CES3: variants seen among roughly 807,000 people sequenced by gnomAD.
CES3 encodes the protein carboxylesterase 3 (brain).
In CES3, 49 loss-of-function variants were observed where a neutral mutation model predicts 57.6. That is an observed-to-expected ratio of 0.85 (90% CI 0.68 to 1.08). The LOEUF (loss-of-function observed/expected upper bound fraction) is 1.08. CES3 is among the 50% of genes least tolerant of loss of function. CES3 has a pLI of 0.00. For synonymous variants in CES3, 266 were observed against 281.6 expected, an observed-to-expected ratio of 0.94 and a Z score of 0.55; for missense variants, 645 against 742.0, an observed-to-expected ratio of 0.87 and a Z score of 1.52.
At position 66,964,416 on chromosome 16, in the gene CES3, G is replaced by T; in HGVS notation, c.620G>T (p.Arg207Leu). Residue 207 changes from arginine (R) to leucine (L), a missense_variant, in exon 5 of 13, where the codon CGC (arginine) becomes CTC (leucine). Transcript: ENST00000303334. ...QGFLDVVAAL[R>L]WVQENIAPFG... is the part of the protein sequence containing the mutation. ...TTCCTAGATGTGGTAGCTGCTTTGC[G>T]CTGGGTGCAAGAAAACATCGCCCCC... The T allele has an allele frequency of 6.2e-7, 1 of 1,614,130 alleles. No homozygotes were observed. Among genetic ancestry groups the T allele is most frequent in the East Asian group, 2.2e-5 (1 of 44,884 alleles).
chr16:66,967,716 C>CCAAAG, intron 8 of CES3: 1 of 983,678 alleles, frequency 1.0e-6, no homozygotes. Context: ...TGGCCCATTG[C>CCAAAG]ACACCCTAAG....
At position 66,963,002 on chromosome 16, in the gene CES3, A is replaced by G; in HGVS notation, c.83-177A>G. Reference sequence around the variant, plus strand: ...CTGGAGTGGAGTGGTAGTGACTCTCAGGCAGGCAGGGAGGAGGAAGTTGGG... The same window carrying G: ...CTGGAGTGGAGTGGTAGTGACTCTCGGGCAGGCAGGGAGGAGGAAGTTGGG... On this transcript the variant is annotated intron_variant, in intron 1 of 12. Coordinates refer to ENST00000303334, the MANE Select transcript of CES3 (RefSeq NM_024922.6). The surrounding 1 kb of genome is among the most constrained non-coding windows in gnomAD (Gnocchi z 4.9). 1 of 734,802 alleles carries G rather than the reference A, an allele frequency of 1.4e-6. No homozygotes were observed. Among genetic ancestry groups the G allele is most frequent in the Non-Finnish European group, 2.4e-6 (1 of 415,468 alleles). The allele number at this position is 734,802 out of a possible 1,614,324, so 45.5% of individuals were successfully genotyped here. A position where few individuals can be genotyped will look rare whatever the true frequency, so the allele number is the denominator to read the frequency against.
At position 66,963,445 on chromosome 16, in the gene CES3, C is replaced by T; in HGVS notation, c.288-46C>T. ...TTGCAGGAGAATCCTGCTGCTGGGG[C>T]TTGTGGGGCTGAACAGCTGGACCTC... On this transcript the variant is annotated intron_variant, in intron 2 of 12. Coordinates refer to ENST00000303334, the MANE Select transcript of CES3 (RefSeq NM_024922.6). This position sits in a 1 kb window ranked among gnomAD's most constrained non-coding sequence, Gnocchi z 4.9. 3 of 1,609,398 alleles carry T rather than the reference C, an allele frequency of 1.9e-6. No homozygotes were observed. Among genetic ancestry groups the T allele is most frequent in the Non-Finnish European group, 1.7e-6 (2 of 1,176,258 alleles).
chr16:66,963,432 C>A lies in CES3; in HGVS notation c.287+49C>A, dbSNP rs1963680712. On this transcript the variant is annotated intron_variant, in intron 2 of 12. Transcript: ENST00000303334. The surrounding 1 kb of genome is among the most constrained non-coding windows in gnomAD (Gnocchi z 4.9). ...GCAAACAGGCAGGTTGCAGGAGAAT[C>A]CTGCTGCTGGGGCTTGTGGGGCTGA... 6.2e-7 allele frequency: 1 copy of A among 1,610,632 alleles called. No individual in the cohort carries two copies. The highest frequency in any genetic ancestry group is 1.7e-5 in the Admixed American group (1 of 59,948).
chr16:66,969,692 T>A lies in CES3; in HGVS notation c.1076T>A (p.Leu359Gln), dbSNP rs768417155. The stretch of plus-strand genomic sequence containing the variant: ...GTGTCCACACAGGGCTGGGGTCTCC[T>A]GGATACAATGGAGCAGATGAGCCGG... ...SWLIPRGWGLLDTMEQMSRED... is the reference protein window; with the variant it reads ...SWLIPRGWGLQDTMEQMSRED... The change falls in exon 9 of 13, where the codon CTG becomes CAG. Residue 359 changes from leucine to glutamine, a missense_variant. Transcript: ENST00000303334. 1.3e-5 allele frequency: 21 copies of A among 1,613,090 alleles called. No individual in the cohort carries two copies. In the South Asian group the frequency reaches 2.0e-4, roughly 15 times the overall value.
chr16:66,964,303 A>G (rs1270842276), intron 4 of CES3, 54 bp from the exon 5 acceptor site: 1 of 1,593,276 alleles, frequency 6.3e-7, no homozygotes, highest in Admixed American at 1.7e-5. Context: ...GCAAACCTGC[A>G]GAGGCTGGCG....
rs1191089086 is a variant in CES3 at position 66,964,476 on chromosome 16, G to A, written c.680G>A (p.Gly227Asp). The A allele has an allele frequency of 1.9e-6, 3 of 1,614,004 alleles. No homozygotes were observed. The highest frequency in any genetic ancestry group is 2.2e-5 in the South Asian group (2 of 91,088). Residue 227 changes from glycine (G) to aspartate (D), a missense_variant, in exon 5 of 13, where the codon GGT (glycine) becomes GAT (aspartate). Coordinates refer to ENST00000303334, the MANE Select transcript of CES3 (RefSeq NM_024922.6). ...GACCTCAACTGTGTCACTGTCTTTG[G>A]TGGATCTGCCGGTGGGAGCATCATC... is the stretch of plus-strand genomic sequence containing the variant. ...GGDLNCVTVF[G>D]GSAGGSIISG... is the part of the protein sequence containing the mutation.
chr16:66,971,115 G>A, intron 9 of CES3, 57 bp from the exon 10 acceptor site: 1 of 1,549,562 alleles, frequency 6.5e-7, no homozygotes, highest in Non-Finnish European at 8.7e-7. Context: ...GGCTTCCTGG[G>A]ATGGTCTGCC....
At position 66,971,279 on chromosome 16, in the gene CES3, C is replaced by T. The variant is rs138365574; in HGVS notation, c.1251C>T (p.Phe417=). 3.7e-6 allele frequency: 6 copies of T among 1,613,994 alleles called. No homozygotes were observed. Among genetic ancestry groups the T allele is most frequent in the Non-Finnish European group, 5.1e-6 (6 of 1,180,006 alleles). The part of the protein sequence containing the change: ...QAFQEFMGDV[F]INVPTVSFSR... ...TCCAGGAATTCATGGGTGACGTATT[C>T]ATCAATGTTCCCACCGTCAGTTTTT... Residue 417 remains phenylalanine, a synonymous_variant, in exon 10 of 13, where the codon TTC becomes TTT. Transcript: ENST00000303334.
At chr16:66,962,076 G>A (rs990785758) in intron 1 of CES3, among the ~76,000 whole-genome samples, 23 of 152,330 alleles carry the variant, frequency 1.5e-4, no homozygotes, top group South Asian at 2.1e-4. Flanking sequence ...AAGCCCCTTT[G>A]ACACGGTTGC....
chr16:66,972,782 T>A (rs984923443), intron 12 of CES3, 36 bp downstream of exon 12: 1 of 1,614,102 alleles, frequency 6.2e-7, no homozygotes, highest in South Asian at 1.1e-5. Flanking sequence ...GCTTTGGGCC[T>A]GGGATGCTCA....
At chr16:66,962,852 G>A (rs1217490122) in intron 1 of CES3, among the ~76,000 whole-genome samples, 5 of 152,216 alleles carry the variant, frequency 3.3e-5, no homozygotes, top group Non-Finnish European at 4.4e-5. Context: ...AGCCAAGATC[G>A]TGCCACTGCA....
chr16:66,963,260 G>A lies in CES3; in HGVS notation c.164G>A (p.Arg55His), dbSNP rs200578924. The change falls in exon 2 of 13, where the codon CGC (arginine) becomes CAC (histidine). Residue 55 changes from arginine (R) to histidine (H), a missense_variant. Arg to His is a conservative substitution (Grantham distance 29). Coordinates refer to ENST00000303334, the MANE Select transcript of CES3 (RefSeq NM_024922.6). The surrounding 1 kb of genome is among the most constrained non-coding windows in gnomAD (Gnocchi z 4.9). The part of the protein sequence containing the change: ...GRQVGVKGTD[R>H]LVNVFLGIPF... ...CAGGTGGGCGTGAAGGGCACAGACC[G>A]CCTTGTGAATGTCTTTCTGGGCATT... 4.8e-5 allele frequency: 77 copies of A among 1,614,008 alleles called. No individual in the cohort carries two copies. In the Middle Eastern group the frequency reaches 6.6e-4, roughly 14 times the overall value.
chr16:66,965,833 A>C (rs1164264745), intron 6 of CES3, among the ~76,000 whole-genome samples: 1 of 152,178 alleles, frequency 6.6e-6, no homozygotes, highest in Non-Finnish European at 1.5e-5. Flanking sequence ...CCAGCTACTC[A>C]GGAGGCTGAG....
rs538530060 is a variant in CES3 at position 66,974,098 on chromosome 16, T to C, written c.*1049T>C. 1.3e-5 allele frequency: 2 copies of C among 152,422 alleles called. No homozygotes were observed. The highest frequency in any genetic ancestry group is 1.3e-4 in the Admixed American group (2 of 15,308). The allele number at this position is 152,422 out of a possible 1,614,324, so 9.4% of individuals were successfully genotyped here. A position where few individuals can be genotyped will look rare whatever the true frequency, so the allele number is the denominator to read the frequency against. ...GCACCAAGAGGTTTTCAGATGGAAG[T>C]GAGAGGTGACAGTGTGCTGGCAGCC... On this transcript the variant is annotated 3_prime_UTR_variant, in exon 13 of 13. Coordinates refer to ENST00000303334, the MANE Select transcript of CES3 (RefSeq NM_024922.6).
At chr16:66,967,524 T>C (rs1963752285) in intron 8 of CES3, 5 of 985,404 alleles carry the variant, frequency 5.1e-6, no homozygotes, top group Non-Finnish European at 4.8e-6. Flanking sequence ...GTTTTAGATA[T>C]CAAGCCACCG....
In CES3 at chr16:66,963,956, A is replaced by G; in HGVS notation, c.560+21A>G. On this transcript the variant is annotated intron_variant, in intron 4 of 12. Coordinates refer to ENST00000303334, the MANE Select transcript of CES3 (RefSeq NM_024922.6). This position sits in a 1 kb window ranked among gnomAD's most constrained non-coding sequence, Gnocchi z 4.9. ...TTCAGGTGAGACGACAGGCATGGCC[A>G]GAGCACTGCCTGCACCGGGGAGAGG... The G allele has an allele frequency of 6.2e-7, 1 of 1,605,256 alleles. No homozygotes were observed. Among genetic ancestry groups the G allele is most frequent in the South Asian group, 1.1e-5 (1 of 90,932 alleles).
At position 66,963,611 on chromosome 16, in the gene CES3, C is replaced by A. The variant is rs377422788; in HGVS notation, c.408C>A (p.Pro136=). The A allele has an allele frequency of 1.2e-6, 2 of 1,614,050 alleles. No individual in the cohort carries two copies. The highest frequency in any genetic ancestry group is 1.7e-5 in the Admixed American group (1 of 59,996). The change falls in exon 3 of 13, where the codon CCC becomes CCA. Residue 136 remains proline (P), a synonymous_variant. Transcript: ENST00000303334. This position sits in a 1 kb window ranked among gnomAD's most constrained non-coding sequence, Gnocchi z 4.9. The part of the protein sequence containing the change: ...VLNVYSPAEV[P]AGSGRPVMVW... Reference sequence around the variant, plus strand: ...ACGTCTATAGCCCAGCTGAGGTCCCCGCAGGGTCCGGTAGGCCGGTAGGCA... The same window carrying A: ...ACGTCTATAGCCCAGCTGAGGTCCCAGCAGGGTCCGGTAGGCCGGTAGGCA...
chr16:66,964,309 TG>T (rs776110559), intron 4 of CES3, 47 bp from the exon 5 acceptor site: 4 of 1,597,838 alleles, frequency 2.5e-6, no homozygotes, highest in Non-Finnish European at 2.6e-6. Flanking sequence ...CTGCAGAGGC[TG>T]GCGAGGAGCC....
Sources: allele counts gnomAD v4.1 joint callset (sites outside exome capture counted in the v4.1 genomes callset), GRCh38; gene constraint gnomAD v4.1.1; non-coding constraint Gnocchi (gnomAD v3.1); transcripts MANE v1.5; gene names NCBI Gene and HGNC (gene_info 2026-07-23, HGNC 2026-07-21).